Variants in POLN observed in about 807,000 individuals in gnomAD.
The protein encoded by POLN is DNA polymerase N.
In POLN, 108 loss-of-function variants were observed where a neutral mutation model predicts 113.5. That is an observed-to-expected ratio of 0.95 (90% CI 0.81 to 1.12). The LOEUF (loss-of-function observed/expected upper bound fraction) is 1.12. POLN is among the 50% of genes most tolerant of loss of function. The probability of loss-of-function intolerance (pLI) is 0.00; values close to 1 mark genes in which losing one functional copy is unlikely to be tolerated. For synonymous variants in POLN, 386 were observed against 391.5 expected (o/e 0.99, Z 0.17); for missense variants, 1,097 against 1,077.1 (o/e 1.02, Z -0.26).
chr4:2,168,219 C>T (rs1732775902), intron 13 of POLN, among the ~76,000 whole-genome samples: 1 of 152,120 alleles, frequency 6.6e-6, no homozygotes, highest in South Asian at 2.1e-4. Context: ...GTGTGTGTGA[C>T]ACAGGGGATA....
At chr4:2,145,808 G>A (rs1232149138) in intron 16 of POLN, among the ~76,000 whole-genome samples, 2 of 151,960 alleles carry the variant, frequency 1.3e-5, no homozygotes, top group Non-Finnish European at 2.9e-5. Context: ...AGAAACCCTC[G>A]CACATGTTCA....
intron 5 of POLN, 27 bp downstream of exon 5, chr4:2,207,960 C>G: frequency 6.4e-7 from 1 of 1,553,180 alleles, no homozygotes; most frequent in Non-Finnish European, 8.7e-7. Flanking sequence ...GTCAAGACAG[C>G]AAATAAAAAC....
intron 23 of POLN, chr4:2,078,762 C>T (rs1225800110): frequency 8.1e-6 from 8 of 985,332 alleles, no homozygotes; most frequent in Non-Finnish European, 9.6e-6. Context: ...GAAGCATTTC[C>T]TCGTGACAGC....
chr4:2,177,781 T>G (rs1212298818), intron 8 of POLN, among the ~76,000 whole-genome samples: 2 of 152,242 alleles, frequency 1.3e-5, no homozygotes, highest in Non-Finnish European at 2.9e-5. Context: ...GGGATACTAA[T>G]CAAGATGCCT....
At chr4:2,160,585 T>A (rs1732555935) in intron 13 of POLN, among the ~76,000 whole-genome samples, 1 of 152,074 alleles carries the variant, frequency 6.6e-6, no homozygotes, top group Non-Finnish European at 1.5e-5. Flanking sequence ...TTTTTTAAAT[T>A]TTTGGCAGAG....
chr4:2,148,638 G>C (rs1029922266), intron 16 of POLN, among the ~76,000 whole-genome samples: 1 of 150,694 alleles, frequency 6.6e-6, no homozygotes, highest in African/African-American at 2.4e-5. Flanking sequence ...CGGCACTCCA[G>C]CCTGGGCGAC....
At chr4:2,232,636 T>A (rs1169659963) in intron 2 of POLN, among the ~76,000 whole-genome samples, 2 of 152,108 alleles carry the variant, frequency 1.3e-5, no homozygotes, top group African/African-American at 2.4e-5. Flanking sequence ...AATCTCCATT[T>A]TTCATTTTTT....
intron 9 of POLN, among the ~76,000 whole-genome samples, chr4:2,175,540 G>A (rs1732973710): frequency 6.6e-6 from 1 of 152,128 alleles, no homozygotes; most frequent in African/African-American, 2.4e-5. Flanking sequence ...TTTATTCCAG[G>A]CCACCTCCCC....
chr4:2,072,832 C>A, intron 25 of POLN, 136 bp downstream of exon 25: 1 of 900,446 alleles, frequency 1.1e-6, no homozygotes, highest in Admixed American at 1.9e-5. Context: ...GTCCAGCCTC[C>A]ACGGCTGTGC....
intron 3 of POLN, among the ~76,000 whole-genome samples, chr4:2,213,778 C>G (rs185807964): frequency 6.6e-6 from 1 of 152,032 alleles, no homozygotes; most frequent in Non-Finnish European, 1.5e-5. Context: ...AATGTAAAAT[C>G]TTATTAAATG....
intron 19 of POLN, among the ~76,000 whole-genome samples, chr4:2,106,087 C>T (rs1197987937): frequency 6.6e-6 from 1 of 151,776 alleles, no homozygotes; most frequent in Non-Finnish European, 1.5e-5. Context: ...TATGGGCCTA[C>T]TACATTTATA....
chr4:2,116,067 T>C (rs1347155119), intron 19 of POLN, among the ~76,000 whole-genome samples: 2 of 152,196 alleles, frequency 1.3e-5, no homozygotes, highest in African/African-American at 2.4e-5. Context: ...GAGTTTCTCC[T>C]GGTTTTTCTG....
At chr4:2,220,983 T>A (rs1293997745) in intron 3 of POLN, among the ~76,000 whole-genome samples, 5 of 151,196 alleles carry the variant, frequency 3.3e-5, no homozygotes, top group African/African-American at 4.9e-5. Flanking sequence ...AAACTTCTCC[T>A]GAAGTATTAT....
chr4:2,118,502 G>A (rs551971106), intron 19 of POLN, among the ~76,000 whole-genome samples: 1 of 152,276 alleles, frequency 6.6e-6, no homozygotes, highest in African/African-American at 2.4e-5. Context: ...GCACGTTCTA[G>A]CATTCTGTTG....
At chr4:2,220,948 TTC>T (rs1734237795) in intron 3 of POLN, among the ~76,000 whole-genome samples, 1 of 152,010 alleles carries the variant, frequency 6.6e-6, no homozygotes, top group Admixed American at 6.6e-5. Flanking sequence ...TGTTTGTTTT[TTC>T]TGTTTCTCCC....
intron 16 of POLN, among the ~76,000 whole-genome samples, chr4:2,154,418 T>G (rs765243462): frequency 1.3e-5 from 2 of 152,034 alleles, no homozygotes; most frequent in Admixed American, 6.6e-5. Context: ...CAAAGAAGAA[T>G]AATTGTTTCA....
chr4:2,173,055 A>C (rs1206692584), intron 11 of POLN, among the ~76,000 whole-genome samples: 1 of 152,218 alleles, frequency 6.6e-6, no homozygotes, highest in Non-Finnish European at 1.5e-5. Context: ...CTTACAGTTC[A>C]AAAGCAAAGC....
chr4:2,125,224 C>T (rs1428814253), intron 19 of POLN, among the ~76,000 whole-genome samples: 1 of 152,224 alleles, frequency 6.6e-6, no homozygotes, highest in Non-Finnish European at 1.5e-5. Flanking sequence ...CAGGTCTAGA[C>T]ATGTGGCGAC....
At chr4:2,119,256 A>G (rs1731385556) in intron 19 of POLN, among the ~76,000 whole-genome samples, 1 of 152,254 alleles carries the variant, frequency 6.6e-6, no homozygotes, top group South Asian at 2.1e-4. Flanking sequence ...TTGAATGCAC[A>G]GCTGATAAGA....
Sources: allele counts gnomAD v4.1 joint callset (sites outside exome capture counted in the v4.1 genomes callset), GRCh38; gene constraint gnomAD v4.1.1; transcripts MANE v1.5; gene names NCBI Gene and HGNC (gene_info 2026-07-23, HGNC 2026-07-21).